RIT2: variants seen among roughly 807,000 people sequenced by gnomAD.
RIT2 encodes GTP-binding protein Rit2.
RIT2 carries 24 observed loss-of-function variants against 23.7 expected under a neutral mutation model. The ratio of observed to expected loss-of-function variants is 1.01; its 90% confidence interval spans 0.73 to 1.43. The LOEUF (loss-of-function observed/expected upper bound fraction) is 1.43. RIT2 is among the 40% of genes most tolerant of loss of function. The pLI is 0.00. For missense variants in RIT2, 236 were observed against 266.9 expected (o/e 0.88, Z 0.81); for synonymous variants, 107 against 91.1 (o/e 1.17, Z -0.99).
chr18:42,914,184 T>C (rs1908844291), intron 4 of RIT2, among the ~76,000 whole-genome samples: 1 of 152,102 alleles, frequency 6.6e-6, no homozygotes, highest in Non-Finnish European at 1.5e-5. Flanking sequence ...TATCTAATGC[T>C]GGCAAGGGTG....
chr18:43,067,442 C>G (rs1381578342), intron 1 of RIT2, among the ~76,000 whole-genome samples: 1 of 152,110 alleles, frequency 6.6e-6, no homozygotes, highest in Non-Finnish European at 1.5e-5. Flanking sequence ...GGTCAGGGCA[C>G]AGCCTAGTTT....
intron 4 of RIT2, among the ~76,000 whole-genome samples, chr18:42,803,936 GAGA>G (rs1331845113): frequency 1.3e-5 from 2 of 152,166 alleles, no homozygotes; most frequent in Non-Finnish European, 2.9e-5. Flanking sequence ...GGTAAGTATT[GAGA>G]AGTTGTGCTG....
At chr18:42,868,130 G>A (rs772323366) in intron 4 of RIT2, among the ~76,000 whole-genome samples, 7 of 152,226 alleles carry the variant, frequency 4.6e-5, no homozygotes, top group South Asian at 2.1e-4. Context: ...TTTTCCACAC[G>A]TGCATATTTT....
chr18:43,009,949 T>C (rs1911314519), intron 2 of RIT2, among the ~76,000 whole-genome samples: 1 of 151,718 alleles, frequency 6.6e-6, no homozygotes, highest in Non-Finnish European at 1.5e-5. Flanking sequence ...TTCCCACCAC[T>C]AGACTCAATT....
At chr18:42,753,521 GCATA>G (rs1343023524) in intron 4 of RIT2, among the ~76,000 whole-genome samples, 1 of 152,100 alleles carries the variant, frequency 6.6e-6, no homozygotes, top group Admixed American at 6.5e-5. Context: ...AATGCTTAGT[GCATA>G]CAGCAAACTC....
At chr18:42,935,082 G>A (rs1039770763) in intron 3 of RIT2, among the ~76,000 whole-genome samples, 8 of 152,138 alleles carry the variant, frequency 5.3e-5, no homozygotes, top group Admixed American at 3.9e-4. Flanking sequence ...TAGTGATCAG[G>A]GTAATTAAAT....
chr18:42,939,785 A>G (rs1368711584), intron 3 of RIT2, among the ~76,000 whole-genome samples: 1 of 152,182 alleles, frequency 6.6e-6, no homozygotes, highest in Non-Finnish European at 1.5e-5. Flanking sequence ...GCTAGAGAAC[A>G]ATATAATCTT....
chr18:42,803,946 G>C (rs1384523019), intron 4 of RIT2, among the ~76,000 whole-genome samples: 1 of 152,132 alleles, frequency 6.6e-6, no homozygotes, highest in Non-Finnish European at 1.5e-5. Flanking sequence ...GAGAAGTTGT[G>C]CTGCTGTTAA....
chr18:42,899,049 AGTT>A (rs1908406453), intron 4 of RIT2, among the ~76,000 whole-genome samples: 1 of 151,986 alleles, frequency 6.6e-6, no homozygotes, highest in African/African-American at 2.4e-5. Context: ...ATTTGTTAAA[AGTT>A]ATTTTGCGAC....
intron 3 of RIT2, among the ~76,000 whole-genome samples, chr18:42,962,087 C>T (rs772394343): frequency 3.3e-5 from 5 of 152,206 alleles, no homozygotes; most frequent in East Asian, 1.9e-4. Context: ...GTGAAAGCAC[C>T]GGTAGCTACG....
At chr18:43,092,641 G>A (rs756341012) in intron 1 of RIT2, among the ~76,000 whole-genome samples, 5 of 152,008 alleles carry the variant, frequency 3.3e-5, no homozygotes, top group Non-Finnish European at 5.9e-5. Flanking sequence ...AGAGGACCAT[G>A]GTTGCCAATA....
intron 4 of RIT2, among the ~76,000 whole-genome samples, chr18:42,776,160 T>C (rs546414861): frequency 6.6e-6 from 1 of 152,272 alleles, no homozygotes; most frequent in Admixed American, 6.5e-5. Flanking sequence ...TGAAGAAAAG[T>C]ATTTCCAGGG....
intron 2 of RIT2, among the ~76,000 whole-genome samples, chr18:43,004,437 G>A (rs537471715): frequency 2.8e-4 from 43 of 151,798 alleles, no homozygotes; most frequent in African/African-American, 1.0e-3. Flanking sequence ...TTATCTCAAG[G>A]GGTGTTATCA....
At chr18:42,856,899 G>A (rs997830296) in intron 4 of RIT2, among the ~76,000 whole-genome samples, 3 of 140,408 alleles carry the variant, frequency 2.1e-5, no homozygotes, top group Non-Finnish European at 4.5e-5. Context: ...GTGGGATCTC[G>A]GCTCACTGAA....
chr18:42,956,299 A>T (rs146068482), intron 3 of RIT2, among the ~76,000 whole-genome samples: 8 of 152,108 alleles, frequency 5.3e-5, no homozygotes, highest in Admixed American at 2.6e-4. Flanking sequence ...AATCTAGCCA[A>T]CCCTGGCTCA....
chr18:43,114,906 G>T (rs1392479558), intron 1 of RIT2, among the ~76,000 whole-genome samples: 5 of 151,950 alleles, frequency 3.3e-5, no homozygotes, highest in African/African-American at 1.2e-4. Context: ...ACTTTCTTTT[G>T]GTATTCAAAG....
intron 4 of RIT2, among the ~76,000 whole-genome samples, chr18:42,867,374 G>T (rs762569751): frequency 6.6e-6 from 1 of 152,052 alleles, no homozygotes; most frequent in Non-Finnish European, 1.5e-5. Context: ...CCAAGCAGAT[G>T]CAACTGGTCT....
In RIT2 at chr18:43,088,921, T is replaced by C. The variant is rs527720875; in HGVS notation, c.103+26496A>G. ...AAAACATGAGGCAAAGTTTTTATCA[T>C]TGATTATTTTGGAAAAATATAAACT... On this transcript the variant is annotated intron_variant, in intron 1 of 4. Transcript: ENST00000326695. Among the ~76,000 whole-genome samples, 3 of 152,196 alleles carry C rather than the reference T, an allele frequency of 2.0e-5. No homozygotes were observed. In the East Asian group the frequency reaches 5.8e-4, roughly 29 times the overall value.
rs192280551 is a variant in RIT2, at chr18:43,052,304, A to G, written c.104-18437T>C. Among the ~76,000 whole-genome samples, 96 of 152,218 alleles carry G rather than the reference A, an allele frequency of 6.3e-4. 2 individuals carry two copies. In the East Asian group the frequency reaches 0.017, roughly 27 times the overall value. On this transcript the variant is annotated intron_variant, in intron 1 of 4. Coordinates refer to ENST00000326695, the MANE Select transcript of RIT2 (RefSeq NM_002930.4). ...AAATAATGGCTGCTCTGAGAAATTT[A>G]ATTAGGATTGTGTAAAGAATAAAGA...
Sources: allele counts gnomAD v4.1 joint callset (sites outside exome capture counted in the v4.1 genomes callset), GRCh38; gene constraint gnomAD v4.1.1; transcripts MANE v1.5; gene names NCBI Gene and HGNC (gene_info 2026-07-23, HGNC 2026-07-21).